Variants in LRFN1 observed in about 807,000 individuals in gnomAD.
LRFN1 encodes leucine-rich repeat and fibronectin type III domain-containing protein 1.
In LRFN1, 20 loss-of-function variants were observed where a neutral mutation model predicts 31.8. The ratio of observed to expected loss-of-function variants is 0.63; its 90% CI spans 0.44 to 0.91. The LOEUF (loss-of-function observed/expected upper bound fraction) is 0.91. Among genes scored for constraint, LRFN1 ranks in the 40% least tolerant of loss-of-function variants. LRFN1 has a pLI of 0.00. For missense variants in LRFN1, 912 were observed against 1,129.8 expected (o/e 0.81, Z 2.76); for synonymous variants, 514 against 541.3 (o/e 0.95, Z 0.70).
rs770120908 is a variant in LRFN1, at chr19:39,308,106, C to T, written c.1843G>A (p.Ala615Thr). 6.0e-6 allele frequency: 9 copies of T among 1,502,476 alleles called. No homozygotes were observed. Among genetic ancestry groups the T allele is most frequent in the Middle Eastern group, 1.8e-4 (1 of 5,436 alleles). The allele number at this position is 1,502,476 out of a possible 1,614,324, so 93.1% of individuals were successfully genotyped here. ...GCCTCGACGGCGACGGCGGGGGCAG[C>T]CTGGGACTCCACCTCGCGCAGCGCC... The part of the protein sequence containing the change: ...YEALREVESQ[A>T]APAVAVEAKA... Residue 615 changes from alanine (A) to threonine (T), a missense_variant, in exon 5 of 5, where the codon GCT becomes ACT. By Grantham distance (58) the Ala-to-Thr change is moderately conservative. Around this residue, in one of 2 missense-constraint regions of LRFN1, gnomAD observed 511 missense variants for 557.0 expected, o/e 0.92. Coordinates refer to ENST00000248668, the MANE Select transcript of LRFN1 (RefSeq NM_020862.2). The surrounding 1 kb of genome is among the most constrained non-coding windows in gnomAD (Gnocchi z 6.2).
At position 39,314,980 on chromosome 19, in the gene LRFN1, G is replaced by A. The variant is rs370016913; in HGVS notation, c.357C>T (p.His119=). ...CCTCCGCCAGGCGGTTGCTGTCCAG[G>A]TGCAGGGCCCGGAGGGCACGCAGGT... The part of the protein sequence containing the change: ...FADLRALRAL[H]LDSNRLAEVR... The change falls in exon 4 of 5, where the codon CAC becomes CAT. Residue 119 remains histidine, a synonymous_variant. Coordinates refer to ENST00000248668, the MANE Select transcript of LRFN1 (RefSeq NM_020862.2). 6.3e-7 allele frequency: 1 copy of A among 1,592,296 alleles called. No homozygotes were observed.
chr19:39,308,896 A>G lies in LRFN1; in HGVS notation c.1407-354T>C, dbSNP rs2145029184. ...GGGACATGCTCCCTAGCTATGTCTC[A>G]CTCTTGCTAGGACAACTGCCATTCA... On this transcript the variant is annotated intron_variant, in intron 4 of 4. Transcript: ENST00000248668. The surrounding 1 kb of genome is among the most constrained non-coding windows in gnomAD (Gnocchi z 6.2). Among the ~76,000 whole-genome samples the G allele has an allele frequency of 6.6e-6, 1 of 152,078 alleles. No individual in the cohort carries two copies. Among genetic ancestry groups the G allele is most frequent in the African/African-American group, 2.4e-5 (1 of 41,476 alleles).
chr19:39,310,262 T>TCGCC (rs1454524748), intron 4 of LRFN1, among the ~76,000 whole-genome samples: 5 of 152,348 alleles, frequency 3.3e-5, no homozygotes, highest in African/African-American at 1.2e-4. Context: ...CCGGCGAACT[T>TCGCC]CGCCAAGTTT....
chr19:39,310,084 G>A (rs1320528761), intron 4 of LRFN1, among the ~76,000 whole-genome samples: 1 of 152,044 alleles, frequency 6.6e-6, no homozygotes, highest in Non-Finnish European at 1.5e-5. Context: ...CAGCCTCCCG[G>A]ACAGCTGAGA....
In LRFN1 at chr19:39,308,276, C is replaced by T. The variant is rs919389763; in HGVS notation, c.1673G>A (p.Arg558His). 39 of 1,613,190 alleles carry T rather than the reference C, an allele frequency of 2.4e-5. No homozygotes were observed. The highest frequency in any genetic ancestry group is 3.3e-5 in the Non-Finnish European group (39 of 1,179,670). ...GTCCCCGTCGCCATACACCTTATAG[C>T]GGATCATGAGCAGAACGATGAAGAC... The part of the protein sequence containing the change: ...VLVFIVLLMI[R>H]YKVYGDGDSR... Residue 558 changes from arginine to histidine, a missense_variant, in exon 5 of 5, where the codon CGC (arginine) becomes CAC (histidine). Coordinates refer to ENST00000248668, the MANE Select transcript of LRFN1 (RefSeq NM_020862.2). This position sits in a 1 kb window ranked among gnomAD's most constrained non-coding sequence, Gnocchi z 6.2.
chr19:39,312,367 G>C (rs1319853725), intron 4 of LRFN1, among the ~76,000 whole-genome samples: 1 of 152,086 alleles, frequency 6.6e-6, no homozygotes, highest in African/African-American at 2.4e-5. Flanking sequence ...GTGAAGCCAA[G>C]CAGATGACTG....
At position 39,308,356 on chromosome 19, in the gene LRFN1, G is replaced by T; in HGVS notation, c.1593C>A (p.Phe531Leu). ...TGGCGATGATCATGGTGCCGCCCAAGAAATGGGCCCTCAGCGGGCGGCAGG... is the reference window on the plus strand; with the variant it reads ...TGGCGATGATCATGGTGCCGCCCAATAAATGGGCCCTCAGCGGGCGGCAGG... Reference protein sequence around the residue: ...PAPCRPLRAHFLGGTMIIAIG... With the variant: ...PAPCRPLRAHLLGGTMIIAIG... The change falls in exon 5 of 5, where the codon TTC (phenylalanine) becomes TTA (leucine). Residue 531 changes from phenylalanine (F) to leucine (L), a missense_variant. Physicochemically the swap from Phe to Leu is conservative, Grantham distance 22 (BLOSUM62 0). Transcript: ENST00000248668. The surrounding 1 kb of genome is among the most constrained non-coding windows in gnomAD (Gnocchi z 6.2). The T allele has an allele frequency of 6.2e-7, 1 of 1,612,872 alleles. No homozygotes were observed. The highest frequency in any genetic ancestry group is 2.2e-5 in the East Asian group (1 of 44,864).
chr19:39,310,253 C>T lies in LRFN1; in HGVS notation c.1407-1711G>A, dbSNP rs114611188. Among the ~76,000 whole-genome samples, 616 of 152,364 alleles carry T rather than the reference C, an allele frequency of 4.0e-3. 5 individuals carry two copies. The highest frequency in any genetic ancestry group is 0.011 in the African/African-American group (439 of 41,592). On this transcript the variant is annotated intron_variant, in intron 4 of 4. Transcript: ENST00000248668. ...GATTACAGTCATGAACCACCACGCC[C>T]GGCGAACTTCGCCAAGTTTCTTAAC...
rs1430526099 is a variant in LRFN1 at position 39,306,579 on chromosome 19, T to G, written c.*1054A>C. ...ATTCACTAAGCGTTAGCTATTATGATCATTTTATTTTTGTGATTATTCCCC... is the reference window on the plus strand; with the variant it reads ...ATTCACTAAGCGTTAGCTATTATGAGCATTTTATTTTTGTGATTATTCCCC... On this transcript the variant is annotated 3_prime_UTR_variant, in exon 5 of 5. Transcript: ENST00000248668. 1 of 152,130 alleles carries G rather than the reference T, an allele frequency of 6.6e-6. No individual in the cohort carries two copies. Among genetic ancestry groups the G allele is most frequent in the African/African-American group, 2.4e-5 (1 of 41,412 alleles). The allele number at this position is 152,130 out of a possible 1,614,324, so 9.4% of individuals were successfully genotyped here. A position where few individuals can be genotyped will look rare whatever the true frequency, so the allele number is the denominator to read the frequency against.
chr19:39,317,243 A>T (rs1279231918), intron 2 of LRFN1, among the ~76,000 whole-genome samples: 1 of 152,200 alleles, frequency 6.6e-6, no homozygotes, highest in African/African-American at 2.4e-5. Flanking sequence ...AGAAAAAGAC[A>T]GAGGAGGAAA....
chr19:39,320,170 T>C (rs933294234), intron 1 of LRFN1, among the ~76,000 whole-genome samples: 9 of 142,470 alleles, frequency 6.3e-5, no homozygotes, highest in Middle Eastern at 3.7e-3. Flanking sequence ...GACCCCCCAG[T>C]TGACATGGAC....
rs916941737 is a variant in LRFN1, at chr19:39,308,788, A to G, written c.1407-246T>C. The stretch of plus-strand genomic sequence containing the variant: ...GTGTCCCATCACCCACTGGGACAAT[A>G]TATCTATCATTCGTATTACCTCCTC... On this transcript the variant is annotated intron_variant, in intron 4 of 4. Coordinates refer to ENST00000248668, the MANE Select transcript of LRFN1 (RefSeq NM_020862.2). This position sits in a 1 kb window ranked among gnomAD's most constrained non-coding sequence, Gnocchi z 6.2. Among the ~76,000 whole-genome samples, 5 of 152,106 alleles carry G rather than the reference A, an allele frequency of 3.3e-5. No homozygotes were observed. Among genetic ancestry groups the G allele is most frequent in the African/African-American group, 4.8e-5 (2 of 41,400 alleles).
Position 39,308,365 on chromosome 19 carries a change from C to G in LRFN1, c.1584G>C (p.Arg528Ser). The G allele has an allele frequency of 6.2e-7, 1 of 1,612,158 alleles. No homozygotes were observed. Among genetic ancestry groups the G allele is most frequent in the Non-Finnish European group, 8.5e-7 (1 of 1,179,376 alleles). The change falls in exon 5 of 5, where the codon AGG (arginine) becomes AGC (serine). Residue 528 changes from arginine to serine, a missense_variant. Around this residue, in one of 2 missense-constraint regions of LRFN1, gnomAD observed 511 missense variants for 557.0 expected, o/e 0.92. Coordinates refer to ENST00000248668, the MANE Select transcript of LRFN1 (RefSeq NM_020862.2). The surrounding 1 kb of genome is among the most constrained non-coding windows in gnomAD (Gnocchi z 6.2). ...TCATGGTGCCGCCCAAGAAATGGGC[C>G]CTCAGCGGGCGGCAGGGCGCCGGAT... is the stretch of plus-strand genomic sequence containing the variant. Reference protein sequence around the residue: ...AGDPAPCRPLRAHFLGGTMII... With the variant: ...AGDPAPCRPLSAHFLGGTMII...
In LRFN1 at chr19:39,307,946, C is replaced by T; in HGVS notation, c.2003G>A (p.Gly668Asp). The change falls in exon 5 of 5, where the codon GGC becomes GAC. Residue 668 changes from glycine (G) to aspartate (D), a missense_variant. Transcript: ENST00000248668. This position sits in a 1 kb window ranked among gnomAD's most constrained non-coding sequence, Gnocchi z 6.7. ...TSGEESRAAV[G>D]PRRSRSGALE... is the part of the protein sequence containing the mutation. ...GGCGCCGGATCGGCTCCTTCGAGGG[C>T]CCACCGCGGCCCGAGACTCCTCCCC... The T allele has an allele frequency of 1.3e-6, 2 of 1,562,942 alleles. No individual in the cohort carries two copies. The highest frequency in any genetic ancestry group is 1.2e-5 in the South Asian group (1 of 86,134).
intron 4 of LRFN1, among the ~76,000 whole-genome samples, chr19:39,310,111 C>T (rs1007939154): frequency 6.6e-6 from 1 of 152,184 alleles, no homozygotes; most frequent in African/African-American, 2.4e-5. Flanking sequence ...GCACCCACCA[C>T]CACACCTGGC....
In LRFN1 at chr19:39,307,302, G is replaced by A; in HGVS notation, c.*331C>T. 1 of 399,820 alleles carries A rather than the reference G, an allele frequency of 2.5e-6. No homozygotes were observed. Among genetic ancestry groups the A allele is most frequent in the Non-Finnish European group, 4.4e-6 (1 of 226,594 alleles). The allele number at this position is 399,820 out of a possible 1,614,324, so 24.8% of individuals were successfully genotyped here. On this transcript the variant is annotated 3_prime_UTR_variant, in exon 5 of 5. Transcript: ENST00000248668. This position sits in a 1 kb window ranked among gnomAD's most constrained non-coding sequence, Gnocchi z 6.7. Reference sequence around the variant, plus strand: ...AGGGGGCTCGTGTCTCAGTGCTGCAGTGTCAGGGGGCCCTGCCCCTCCCCG... The same window carrying A: ...AGGGGGCTCGTGTCTCAGTGCTGCAATGTCAGGGGGCCCTGCCCCTCCCCG...
rs1302470760 is a variant in LRFN1, at chr19:39,311,901, A to G, written c.1406+2030T>C. On this transcript the variant is annotated intron_variant, in intron 4 of 4. Coordinates refer to ENST00000248668, the MANE Select transcript of LRFN1 (RefSeq NM_020862.2). ...TTTTTTTTTTTTTTTTTTTTTTTCCAGAGGGAGTCTCGCTCTGTCACCCAA... is the reference window on the plus strand; with the variant it reads ...TTTTTTTTTTTTTTTTTTTTTTTCCGGAGGGAGTCTCGCTCTGTCACCCAA... 2.6e-5 allele frequency among the ~76,000 whole-genome samples: 3 copies of G among 117,536 alleles called. No individual in the cohort carries two copies. In the East Asian group the frequency reaches 7.0e-4, roughly 27 times the overall value. The allele number at this position is 117,536 out of a possible 152,430, so 77.1% of individuals were successfully genotyped here.
intron 4 of LRFN1, among the ~76,000 whole-genome samples, chr19:39,312,527 G>A (rs60373921): frequency 0.027 from 4,107 of 152,214 alleles, 76 homozygotes; most frequent in Middle Eastern, 0.037. Context: ...GATGGGCCAG[G>A]TGCAGCGGCT....
chr19:39,307,751 G>T lies in LRFN1; in HGVS notation c.2198C>A (p.Pro733Gln), dbSNP rs759817303. ...ARRTKRHRST[P>Q]HLDGAGGGAA... ...GCCCCCTCCAGCCCCGTCCAGGTGCGGCGTGGACCGGTGGCGCTTTGTCCG... is the reference window on the plus strand; with the variant it reads ...GCCCCCTCCAGCCCCGTCCAGGTGCTGCGTGGACCGGTGGCGCTTTGTCCG... The change falls in exon 5 of 5, where the codon CCG becomes CAG. Residue 733 changes from proline (P) to glutamine (Q), a missense_variant. Pro to Gln is a moderately conservative substitution (Grantham distance 76). Coordinates refer to ENST00000248668, the MANE Select transcript of LRFN1 (RefSeq NM_020862.2). This position sits in a 1 kb window ranked among gnomAD's most constrained non-coding sequence, Gnocchi z 6.7. The T allele has an allele frequency of 1.8e-5, 27 of 1,489,104 alleles. No individual in the cohort carries two copies. The African/African-American group carries it at 3.6e-4, about 20-fold the overall frequency. 92.2% of individuals were successfully genotyped at this position (1,489,104 alleles called of 1,614,324 possible). A position where few individuals can be genotyped will look rare whatever the true frequency, so the allele number is the denominator to read the frequency against.
Sources: allele counts gnomAD v4.1 joint callset (sites outside exome capture counted in the v4.1 genomes callset), GRCh38; gene constraint gnomAD v4.1.1; regional missense constraint gnomAD v4.1.1; non-coding constraint Gnocchi (gnomAD v3.1); transcripts MANE v1.5; gene names NCBI Gene and HGNC (gene_info 2026-07-23, HGNC 2026-07-21).